EFCAB5: variants seen among roughly 807,000 people sequenced by gnomAD.
EFCAB5 encodes the protein EF-hand calcium binding domain 5.
A neutral mutation model predicts 167.9 loss-of-function variants in EFCAB5; 131 were observed. The observed-to-expected ratio is 0.78, with a 90% CI of 0.68 to 0.90. EFCAB5 has a LOEUF of 0.90. Among genes scored for constraint, EFCAB5 ranks in the 40% least tolerant of loss-of-function variants. The pLI, the probability that EFCAB5 is intolerant of heterozygous loss-of-function variation, is 0.00. For synonymous variants in EFCAB5, 574 were observed against 602.8 expected, an observed-to-expected ratio of 0.95 and a Z score of 0.70; for missense variants, 1,663 against 1,745.2, an observed-to-expected ratio of 0.95 and a Z score of 0.84.
At chr17:29,963,688 T>C (rs2067768248) in intron 3 of EFCAB5, among the ~76,000 whole-genome samples, 1 of 152,198 alleles carries the variant, frequency 6.6e-6, no homozygotes, top group Non-Finnish European at 1.5e-5. Context: ...CTTTTCTTTG[T>C]TGGGAAGTTT....
At chr17:30,099,730 G>A (rs1041887152) in intron 22 of EFCAB5, among the ~76,000 whole-genome samples, 3 of 152,178 alleles carry the variant, frequency 2.0e-5, no homozygotes, top group African/African-American at 7.2e-5. Flanking sequence ...GCTCTGCTGA[G>A]GAGGTGGGTG....
rs532351986 is a variant in EFCAB5, at chr17:30,090,212, C to T, written c.3684-209C>T. 5.3e-5 allele frequency among the ~76,000 whole-genome samples: 8 copies of T among 152,224 alleles called. No homozygotes were observed. The South Asian group carries it at 1.7e-3, about 32-fold the overall frequency. On this transcript the variant is annotated intron_variant, in intron 19 of 22. Transcript: ENST00000394835. ...TGGGTGGTCAGGGACGCCTTCTCTG[C>T]CGAGGGGATGTTTGAGCAGAGACAT...
chr17:29,983,031 A>G (rs554723642), intron 4 of EFCAB5, among the ~76,000 whole-genome samples: 1 of 152,374 alleles, frequency 6.6e-6, no homozygotes, highest in East Asian at 1.9e-4. Context: ...CCAAAACTTC[A>G]TGGCTTAAAG....
intron 3 of EFCAB5, among the ~76,000 whole-genome samples, chr17:29,957,576 G>C (rs1387310966): frequency 6.6e-6 from 1 of 152,098 alleles, no homozygotes; most frequent in African/African-American, 2.4e-5. Context: ...GAGAACATGC[G>C]GTGTTTGGTT....
At chr17:30,085,122 T>C (rs913122915) in intron 18 of EFCAB5, among the ~76,000 whole-genome samples, 1 of 152,218 alleles carries the variant, frequency 6.6e-6, no homozygotes, top group East Asian at 1.9e-4. Context: ...TGTGGCAATC[T>C]GCTTCCTTGT....
chr17:30,024,445 G>C (rs1240834280), intron 7 of EFCAB5, among the ~76,000 whole-genome samples: 1 of 152,126 alleles, frequency 6.6e-6, no homozygotes, highest in Non-Finnish European at 1.5e-5. Context: ...GCTTCAAAGA[G>C]AATAAAAGTA....
chr17:30,028,979 C>T (rs1382113231), intron 7 of EFCAB5, among the ~76,000 whole-genome samples: 2 of 152,034 alleles, frequency 1.3e-5, no homozygotes. Context: ...TTTGAGATAC[C>T]GAGGGTTAGG....
intron 12 of EFCAB5, among the ~76,000 whole-genome samples, chr17:30,057,285 T>A (rs936505482): frequency 1.2e-4 from 19 of 152,222 alleles, no homozygotes; most frequent in African/African-American, 3.4e-4. Flanking sequence ...AAAATGGCCA[T>A]GAAAGCATCT....
chr17:30,090,577 A>G lies in EFCAB5; in HGVS notation c.3840A>G (p.Glu1280=). The G allele has an allele frequency of 6.2e-7, 1 of 1,614,032 alleles. No individual in the cohort carries two copies. Among genetic ancestry groups the G allele is most frequent in the Non-Finnish European group, 8.5e-7 (1 of 1,179,898 alleles). The part of the protein sequence containing the change: ...IGQNRMLLCQ[E]YKDLQKMMKV... Reference sequence around the variant, plus strand: ...AAAATAGGATGTTGTTGTGTCAAGAATATAAAGATCTACAGAAAATGATGA... The same window carrying G: ...AAAATAGGATGTTGTTGTGTCAAGAGTATAAAGATCTACAGAAAATGATGA... Residue 1280 remains glutamate, a synonymous_variant, in exon 20 of 23, where the codon GAA becomes GAG. Transcript: ENST00000394835.
At chr17:30,055,756 C>G in intron 10 of EFCAB5, 132 bp from the exon 11 acceptor site, 1 of 855,788 alleles carries the variant, frequency 1.2e-6, no homozygotes, top group African/African-American at 1.7e-5. Context: ...GATTGCAACA[C>G]TGCATATATG....
intron 7 of EFCAB5, among the ~76,000 whole-genome samples, chr17:30,028,475 G>T (rs1203825935): frequency 6.6e-6 from 1 of 152,164 alleles, no homozygotes; most frequent in Non-Finnish European, 1.5e-5. Context: ...TTTTGGCGAG[G>T]TTGAGGCAAG....
At chr17:29,969,499 A>G in intron 4 of EFCAB5, 132 bp downstream of exon 4, 1 of 800,152 alleles carries the variant, frequency 1.2e-6, no homozygotes, top group Admixed American at 3.2e-5. Flanking sequence ...TTATTGAGCT[A>G]CTAGTATGTG....
At chr17:30,073,072 T>A in intron 14 of EFCAB5, 1 of 646,742 alleles carries the variant, frequency 1.5e-6, no homozygotes, top group South Asian at 1.7e-5. Flanking sequence ...TTTTTTTTTT[T>A]TTGAGACCAG....
chr17:29,949,368 C>G (rs2067464194), intron 3 of EFCAB5, among the ~76,000 whole-genome samples: 1 of 152,180 alleles, frequency 6.6e-6, no homozygotes, highest in Non-Finnish European at 1.5e-5. Context: ...AGGTAGACCA[C>G]TAGAGTGGCG....
Position 29,982,344 on chromosome 17 carries a change from C to T in EFCAB5, c.768-10821C>T, listed in dbSNP as rs2068195188. Among the ~76,000 whole-genome samples, 3 of 152,010 alleles carry T rather than the reference C, an allele frequency of 2.0e-5. No individual in the cohort carries two copies. The South Asian group carries it at 6.2e-4, about 32-fold the overall frequency. On this transcript the variant is annotated intron_variant, in intron 4 of 22. Transcript: ENST00000394835. ...CCTGGGAGGTGGAGGTTGCAGTGAG[C>T]CAAGCACCACTGCATTCCAGCCTAG...
intron 14 of EFCAB5, chr17:30,069,700 C>A (rs994677011): frequency 3.2e-6 from 4 of 1,238,482 alleles, no homozygotes; most frequent in Non-Finnish European, 4.6e-6. Context: ...CTCTCATGTA[C>A]CCGCCGTAGT....
chr17:29,956,063 G>A (rs2067608929), intron 3 of EFCAB5, among the ~76,000 whole-genome samples: 1 of 152,056 alleles, frequency 6.6e-6, no homozygotes, highest in Non-Finnish European at 1.5e-5. Context: ...CAAACAATGG[G>A]GACAGAGCTT....
At chr17:30,084,887 G>A (rs747121794) in intron 18 of EFCAB5, among the ~76,000 whole-genome samples, 10 of 152,070 alleles carry the variant, frequency 6.6e-5, no homozygotes, top group African/African-American at 1.2e-4. Context: ...GGTTGCTGTG[G>A]GTTAGCTGTG....
intron 22 of EFCAB5, among the ~76,000 whole-genome samples, chr17:30,097,178 T>C (rs1036950136): frequency 2.6e-5 from 4 of 151,816 alleles, no homozygotes; most frequent in Non-Finnish European, 1.5e-5. Context: ...TGCCTCAGCC[T>C]CCCGAGTAGC....
Sources: gnomAD v4.1 joint callset for allele counts (sites outside exome capture counted in the v4.1 genomes callset) on GRCh38, gnomAD v4.1.1 for gene constraint, MANE v1.5 for transcripts, NCBI Gene and HGNC (gene_info 2026-07-23, HGNC 2026-07-21) for gene names.